The following LRRC4C variants were observed in gnomAD, a reference collection of about 807,000 sequenced individuals.
The protein encoded by LRRC4C is leucine rich repeat containing 4C, also known as leucine-rich repeat-containing protein 4C.
A neutral mutation model predicts 33.6 loss-of-function variants in LRRC4C; 5 were observed. That is an observed-to-expected ratio of 0.15 (90% CI 0.08 to 0.31). The LOEUF (loss-of-function observed/expected upper bound fraction) is 0.31, where lower values mean the gene tolerates loss of function less well. Ranked by LOEUF, LRRC4C falls within the 10% of genes least tolerant of loss-of-function variation. The probability of loss-of-function intolerance (pLI) is 1.00; values close to 1 mark genes in which losing one functional copy is unlikely to be tolerated. For synonymous variants in LRRC4C, 329 were observed against 302.0 expected (o/e 1.09, Z -0.93); for missense variants, 560 against 796.7 (o/e 0.70, Z 3.58).
At chr11:40,816,018 T>TC (rs1324301778) in intron 2 of LRRC4C, among the ~76,000 whole-genome samples, 2 of 152,086 alleles carry the variant, frequency 1.3e-5, no homozygotes, top group African/African-American at 2.4e-5. Flanking sequence ...TAAGAGGACT[T>TC]CCCCCCAGTT....
intron 1 of LRRC4C, among the ~76,000 whole-genome samples, chr11:41,173,673 C>T (rs1945074098): frequency 6.6e-6 from 1 of 152,106 alleles, no homozygotes; most frequent in Admixed American, 6.6e-5. Flanking sequence ...TCTCCATTGA[C>T]ACCATAGCCT....
intron 2 of LRRC4C, among the ~76,000 whole-genome samples, chr11:40,831,271 A>C (rs980769956): frequency 6.6e-6 from 1 of 152,102 alleles, no homozygotes; most frequent in African/African-American, 2.4e-5. Context: ...AAGGTGAAGA[A>C]ACTGAAACTC....
At position 41,265,878 on chromosome 11, in the gene LRRC4C, T is replaced by TAA. The variant is rs11397900; in HGVS notation, c.-496+193551_-496+193552dup. Among the ~76,000 whole-genome samples, 1,041 of 150,004 alleles carry TAA rather than the reference T, an allele frequency of 6.9e-3. 5 individuals are homozygous for TAA. The highest frequency in any genetic ancestry group is 0.02 in the Middle Eastern group (6 of 294). ...AATGCCCATGGGTCTTTTCTTTTTT[T>TAA]AAAAAAAAAATAATAATTACATTCT... On this transcript the variant is annotated intron_variant, in intron 1 of 6. Transcript: ENST00000528697.
intron 1 of LRRC4C, among the ~76,000 whole-genome samples, chr11:41,126,012 T>G (rs1050417637): frequency 6.6e-6 from 1 of 151,764 alleles, no homozygotes; most frequent in Non-Finnish European, 1.5e-5. Flanking sequence ...CAATTGAAAG[T>G]AGAAAGTAGA....
At chr11:41,003,753 C>T (rs1324479058) in intron 1 of LRRC4C, among the ~76,000 whole-genome samples, 1 of 151,794 alleles carries the variant, frequency 6.6e-6, no homozygotes, top group Non-Finnish European at 1.5e-5. Context: ...TCACTGTGCA[C>T]AATTTGCAGT....
intron 5 of LRRC4C, among the ~76,000 whole-genome samples, chr11:40,237,058 A>T (rs2136060345): frequency 6.6e-6 from 1 of 152,348 alleles, no homozygotes; most frequent in Admixed American, 6.5e-5. Flanking sequence ...CATATTAAGC[A>T]TGAGCAGACT....
At chr11:41,015,448 C>T (rs1005743144) in intron 1 of LRRC4C, among the ~76,000 whole-genome samples, 2 of 152,112 alleles carry the variant, frequency 1.3e-5, no homozygotes, top group Non-Finnish European at 2.9e-5. Flanking sequence ...CCTGCCTCAG[C>T]CTCCTGAGTA....
intron 1 of LRRC4C, among the ~76,000 whole-genome samples, chr11:41,197,357 G>A (rs1565471570): frequency 6.6e-6 from 1 of 152,012 alleles, no homozygotes; most frequent in African/African-American, 2.4e-5. Flanking sequence ...GAGGAAGACA[G>A]GCTTATCATT....
chr11:40,176,616 T>C (rs1426042906), intron 5 of LRRC4C, among the ~76,000 whole-genome samples: 1 of 151,926 alleles, frequency 6.6e-6, no homozygotes, highest in East Asian at 1.9e-4. Context: ...ACATAGCTCG[T>C]TGCAGACTTG....
intron 2 of LRRC4C, among the ~76,000 whole-genome samples, chr11:40,831,633 A>T (rs1387296473): frequency 6.6e-6 from 1 of 152,124 alleles, no homozygotes; most frequent in African/African-American, 2.4e-5. Flanking sequence ...TGGGTAAATT[A>T]TAAAGAAAAA....
intron 2 of LRRC4C, among the ~76,000 whole-genome samples, chr11:40,740,545 A>G (rs961085327): frequency 3.3e-5 from 5 of 151,890 alleles, no homozygotes; most frequent in African/African-American, 1.2e-4. Context: ...AGATATTATC[A>G]CCTCATCAAT....
chr11:41,084,615 G>A (rs904091040), intron 1 of LRRC4C, among the ~76,000 whole-genome samples: 12 of 152,096 alleles, frequency 7.9e-5, no homozygotes, highest in African/African-American at 2.2e-4. Context: ...TTGGGAGGCC[G>A]AGGCGGGTGG....
At chr11:40,173,766 A>G (rs1262025164) in intron 5 of LRRC4C, among the ~76,000 whole-genome samples, 3 of 152,208 alleles carry the variant, frequency 2.0e-5, no homozygotes, top group Non-Finnish European at 4.4e-5. Context: ...AATAGTACAT[A>G]GTTTCTGTCT....
intron 2 of LRRC4C, among the ~76,000 whole-genome samples, chr11:40,855,786 C>CT (rs920931490): frequency 8.1e-4 from 123 of 151,108 alleles, no homozygotes; most frequent in Middle Eastern, 3.4e-3. Context: ...CTTTAAATGT[C>CT]TTTTTTTTTA....
intron 1 of LRRC4C, among the ~76,000 whole-genome samples, chr11:41,352,365 A>T (rs577344072): frequency 6.6e-6 from 1 of 152,312 alleles, no homozygotes; most frequent in South Asian, 2.1e-4. Context: ...CCAAATTTAT[A>T]ATATAGGTTG....
chr11:41,119,616 G>A (rs1338761909), intron 1 of LRRC4C, among the ~76,000 whole-genome samples: 1 of 152,118 alleles, frequency 6.6e-6, no homozygotes, highest in African/African-American at 2.4e-5. Context: ...AGAATTATAA[G>A]TTCAAGGTTA....
At chr11:41,410,159 G>A (rs1954407799) in intron 1 of LRRC4C, among the ~76,000 whole-genome samples, 1 of 152,042 alleles carries the variant, frequency 6.6e-6, no homozygotes, top group Non-Finnish European at 1.5e-5. Context: ...GTAGACAGTC[G>A]GGCTGGAGAT....
chr11:40,984,933 GCT>G (rs1459206660), intron 1 of LRRC4C, among the ~76,000 whole-genome samples: 3 of 61,976 alleles, frequency 4.8e-5, no homozygotes, highest in Non-Finnish European at 1.0e-4. Context: ...ACGCAATCTC[GCT>G]CTGTCACTCA....
chr11:40,342,941 G>T (rs1311946980), intron 3 of LRRC4C, among the ~76,000 whole-genome samples: 1 of 151,326 alleles, frequency 6.6e-6, no homozygotes, highest in Non-Finnish European at 1.5e-5. Context: ...TTTCTTTATT[G>T]CCTATCTTTT....
Sources: gnomAD v4.1 joint callset for allele counts (sites outside exome capture counted in the v4.1 genomes callset) on GRCh38, gnomAD v4.1.1 for gene constraint, MANE v1.5 for transcripts, NCBI Gene and HGNC (gene_info 2026-07-23, HGNC 2026-07-21) for gene names.